Variants in FLOT2 observed in about 807,000 individuals in gnomAD.
FLOT2 encodes the protein flotillin-2.
In FLOT2, 35 loss-of-function variants were observed where a neutral mutation model predicts 54.9. The observed-to-expected ratio is 0.64, with a 90% CI of 0.49 to 0.84. The LOEUF (loss-of-function observed/expected upper bound fraction) is 0.84, where lower values mean the gene tolerates loss of function less well. Ranked by LOEUF, FLOT2 falls within the 40% of genes least tolerant of loss-of-function variation. The pLI is 0.00. For missense variants in FLOT2, 464 were observed against 572.1 expected, an observed-to-expected ratio of 0.81 and a Z score of 1.93; for synonymous variants, 207 against 228.9, an observed-to-expected ratio of 0.90 and a Z score of 0.86.
intron 2 of FLOT2, 140 bp downstream of exon 2, chr17:28,888,800 CCCCAA>C: frequency 2.0e-6 from 1 of 497,206 alleles, no homozygotes; most frequent in Non-Finnish European, 3.8e-6. Context: ...AGGAAGTCCC[CCCCAA>C]CCCCACCCCT....
intron 8 of FLOT2, 104 bp downstream of exon 8, chr17:28,881,710 G>C (rs2039451056): frequency 6.0e-6 from 6 of 996,126 alleles, no homozygotes; most frequent in African/African-American, 1.6e-5. Context: ...ACACAGTGGA[G>C]GGGGAGAAGT....
At position 28,880,354 on chromosome 17, in the gene FLOT2, T is replaced by G. The variant is rs1598086421; in HGVS notation, c.*207A>C. ...GACACAAACCTGATGAAAGTGGCAG[T>G]GAAAGTGGGGTAAAGGAGAGGAAGA... On this transcript the variant is annotated 3_prime_UTR_variant, in exon 11 of 11. Transcript: ENST00000394908. 2.1e-6 allele frequency: 3 copies of G among 1,397,454 alleles called. No homozygotes were observed. Among genetic ancestry groups the G allele is most frequent in the Admixed American group, 3.1e-5 (1 of 31,948 alleles). The allele number at this position is 1,397,454 out of a possible 1,614,324, so 86.6% of individuals were successfully genotyped here. A position where few individuals can be genotyped will look rare whatever the true frequency, so the allele number is the denominator to read the frequency against.
At chr17:28,889,121 G>A in intron 1 of FLOT2, 95 bp from the exon 2 acceptor site, 1 of 977,574 alleles carries the variant, frequency 1.0e-6, no homozygotes, top group Admixed American at 2.0e-5. Flanking sequence ...TACCTGCTCT[G>A]ATACTTGACA....
chr17:28,886,296 C>G (rs924827229), intron 2 of FLOT2, among the ~76,000 whole-genome samples: 1 of 152,232 alleles, frequency 6.6e-6, no homozygotes, highest in Non-Finnish European at 1.5e-5. Context: ...CTCACTTTCC[C>G]AGGGATCCTG....
intron 1 of FLOT2, chr17:28,892,381 T>TA (rs1284466071): frequency 7.2e-6 from 1 of 138,304 alleles, no homozygotes; most frequent in Admixed American, 7.3e-5. Context: ...TTTTTTGAGA[T>TA]AGAGTCTCGC....
intron 2 of FLOT2, chr17:28,886,115 TGCAGGACA>T (rs2039542183): frequency 7.7e-6 from 5 of 652,594 alleles, no homozygotes; most frequent in African/African-American, 7.1e-5. Flanking sequence ...AGCCGAGGGC[TGCAGGACA>T]GCAGCGACCT....
chr17:28,894,389 C>T (rs780639452), intron 1 of FLOT2, among the ~76,000 whole-genome samples: 1 of 151,774 alleles, frequency 6.6e-6, no homozygotes, highest in East Asian at 1.9e-4. Flanking sequence ...TTTGGGAGGC[C>T]GAGGTGGGCG....
At position 28,882,814 on chromosome 17, in the gene FLOT2, G is replaced by A; in HGVS notation, c.347-123C>T. 2.8e-6 allele frequency: 2 copies of A among 718,854 alleles called. No homozygotes were observed. Among genetic ancestry groups the A allele is most frequent in the South Asian group, 1.7e-5 (1 of 60,376 alleles). The allele number at this position is 718,854 out of a possible 1,614,324, so 44.5% of individuals were successfully genotyped here. On this transcript the variant is annotated intron_variant, in intron 4 of 10. Coordinates refer to ENST00000394908, the MANE Select transcript of FLOT2 (RefSeq NM_004475.3). The surrounding 1 kb of genome is among the most constrained non-coding windows in gnomAD (Gnocchi z 5.6). ...TGCACTCTGAGCTGGGTCTTCCTGG[G>A]GTATCTTCTCAACAGCACTTAACAC...
In FLOT2 at chr17:28,883,619, AG is replaced by A. The variant is rs1243377287; in HGVS notation, c.223-389del. ...TGAGCAATAGGGACACAGACAGAGAAGGAAAGAGCCTGGACAGGGCAGGAGA... is the reference window on the plus strand; with the variant it reads ...TGAGCAATAGGGACACAGACAGAGAAGAAAGAGCCTGGACAGGGCAGGAGA... On this transcript the variant is annotated intron_variant, in intron 3 of 10. Transcript: ENST00000394908. This position sits in a 1 kb window ranked among gnomAD's most constrained non-coding sequence, Gnocchi z 5.0. Among the ~76,000 whole-genome samples, 9 of 152,292 alleles carry A rather than the reference AG, an allele frequency of 5.9e-5. No individual in the cohort carries two copies. Among genetic ancestry groups the A allele is most frequent in the African/African-American group, 1.7e-4 (7 of 41,560 alleles).
chr17:28,879,674 G>A lies in FLOT2; in HGVS notation c.*887C>T, dbSNP rs546499708. ...CTCGATTCTGTACAGGGTTGGCACAGCCTTGTCCACCAGAAGGGCCCAACA... is the reference window on the plus strand; with the variant it reads ...CTCGATTCTGTACAGGGTTGGCACAACCTTGTCCACCAGAAGGGCCCAACA... On this transcript the variant is annotated 3_prime_UTR_variant, in exon 11 of 11. Coordinates refer to ENST00000394908, the MANE Select transcript of FLOT2 (RefSeq NM_004475.3). 15 of 986,054 alleles carry A rather than the reference G, an allele frequency of 1.5e-5. No homozygotes were observed. The East Asian group carries it at 1.5e-3, about 97-fold the overall frequency. 61.1% of individuals were successfully genotyped at this position (986,054 alleles called of 1,614,324 possible). A position where few individuals can be genotyped will look rare whatever the true frequency, so the allele number is the denominator to read the frequency against.
intron 2 of FLOT2, chr17:28,885,766 G>A: frequency 2.4e-6 from 2 of 819,132 alleles, no homozygotes; most frequent in Non-Finnish European, 4.2e-6. Flanking sequence ...CACGGTCTCA[G>A]GAGGGGAGTC....
chr17:28,879,478 A>G lies in FLOT2; in HGVS notation c.*1083T>C. On this transcript the variant is annotated 3_prime_UTR_variant, in exon 11 of 11. Transcript: ENST00000394908. ...GGCAGGGCCAGGGTGGGGAGCTGGG[A>G]CCACTGGACATTCACAGCACCCCTG... The G allele has an allele frequency of 1.0e-6, 1 of 986,920 alleles. No individual in the cohort carries two copies. The highest frequency in any genetic ancestry group is 1.2e-6 in the Non-Finnish European group (1 of 830,202). 61.1% of individuals were successfully genotyped at this position (986,920 alleles called of 1,614,324 possible).
chr17:28,888,841 T>C, intron 2 of FLOT2, 104 bp downstream of exon 2: 1 of 368,610 alleles, frequency 2.7e-6, no homozygotes, highest in Non-Finnish European at 5.5e-6. Flanking sequence ...AATGTGGAAA[T>C]GGTAGATGCT....
chr17:28,897,675 G>T lies in FLOT2; in HGVS notation c.-101C>A, dbSNP rs147520554. ...CCCAGCCTATCCCGCCACCCCCAGCGGCCGGCCGCCCGCTCGCTCGCCCGC... is the reference window on the plus strand; with the variant it reads ...CCCAGCCTATCCCGCCACCCCCAGCTGCCGGCCGCCCGCTCGCTCGCCCGC... On this transcript the variant is annotated 5_prime_UTR_variant, in exon 1 of 11. Transcript: ENST00000394908. This position sits in a 1 kb window ranked among gnomAD's most constrained non-coding sequence, Gnocchi z 4.4. 3.0e-3 allele frequency: 3,295 copies of T among 1,100,126 alleles called. 75 individuals carry two copies. The African/African-American group carries it at 0.047, about 16-fold the overall frequency. 68.1% of individuals were successfully genotyped at this position (1,100,126 alleles called of 1,614,324 possible).
intron 2 of FLOT2, among the ~76,000 whole-genome samples, chr17:28,887,472 G>A (rs754414717): frequency 2.0e-5 from 3 of 152,154 alleles, no homozygotes; most frequent in Admixed American, 6.5e-5. Context: ...GTGTGAGGTC[G>A]GTGTCCTGGG....
chr17:28,880,340 G>A lies in FLOT2; in HGVS notation c.*221C>T. On this transcript the variant is annotated 3_prime_UTR_variant, in exon 11 of 11. Coordinates refer to ENST00000394908, the MANE Select transcript of FLOT2 (RefSeq NM_004475.3). ...ACGCAGGGAGATGAGACACAAACCT[G>A]ATGAAAGTGGCAGTGAAAGTGGGGT... is the stretch of plus-strand genomic sequence containing the variant. The A allele has an allele frequency of 7.1e-7, 1 of 1,407,460 alleles. No homozygotes were observed. The highest frequency in any genetic ancestry group is 2.6e-5 in the East Asian group (1 of 38,516). The allele number at this position is 1,407,460 out of a possible 1,614,324, so 87.2% of individuals were successfully genotyped here. A position where few individuals can be genotyped will look rare whatever the true frequency, so the allele number is the denominator to read the frequency against.
chr17:28,891,080 C>T (rs1274413902), intron 1 of FLOT2, among the ~76,000 whole-genome samples: 1 of 151,896 alleles, frequency 6.6e-6, no homozygotes, highest in Non-Finnish European at 1.5e-5. Flanking sequence ...AAGGTTTCAC[C>T]ATGTTGCCCA....
Position 28,879,524 on chromosome 17 carries a change from G to C in FLOT2, c.*1037C>G. On this transcript the variant is annotated 3_prime_UTR_variant, in exon 11 of 11. Coordinates refer to ENST00000394908, the MANE Select transcript of FLOT2 (RefSeq NM_004475.3). The stretch of plus-strand genomic sequence containing the variant: ...CCCTGCCAAGACGCTTGGGTCCTGG[G>C]CTCTTCTGCCTCCATTGGAGCAAGG... The C allele has an allele frequency of 1.0e-6, 1 of 986,004 alleles. No individual in the cohort carries two copies. The highest frequency in any genetic ancestry group is 1.2e-6 in the Non-Finnish European group (1 of 830,114). The allele number at this position is 986,004 out of a possible 1,614,324, so 61.1% of individuals were successfully genotyped here.
At chr17:28,895,721 T>TC (rs1205658184) in intron 1 of FLOT2, among the ~76,000 whole-genome samples, 3 of 151,338 alleles carry the variant, frequency 2.0e-5, no homozygotes, top group African/African-American at 7.3e-5. Flanking sequence ...CTTATCCCCA[T>TC]CCCCCGACCC....
Sources: allele counts gnomAD v4.1 joint callset (sites outside exome capture counted in the v4.1 genomes callset), GRCh38; gene constraint gnomAD v4.1.1; non-coding constraint Gnocchi (gnomAD v3.1); transcripts MANE v1.5; gene names NCBI Gene and HGNC (gene_info 2026-07-23, HGNC 2026-07-21).